The following SCAF11 variants were observed in gnomAD, a reference collection of about 807,000 sequenced individuals.
The protein encoded by SCAF11 is SR-related CTD associated factor 11, also known as protein SCAF11.
A neutral mutation model predicts 140.5 loss-of-function variants in SCAF11; 47 were observed. That is an observed-to-expected ratio of 0.33 (90% confidence interval 0.26 to 0.43). The LOEUF is 0.43. SCAF11 is among the 20% of genes least tolerant of loss of function. The pLI is 1.00. For missense variants in SCAF11, 1,645 were observed against 1,705.1 expected, an observed-to-expected ratio of 0.96 and a Z score of 0.62; for synonymous variants, 557 against 579.4, an observed-to-expected ratio of 0.96 and a Z score of 0.55.
intron 6 of SCAF11, among the ~76,000 whole-genome samples, chr12:45,943,626 C>A (rs1326561458): frequency 1.3e-5 from 2 of 152,144 alleles, no homozygotes; most frequent in African/African-American, 4.8e-5. Flanking sequence ...ACATATCCCC[C>A]ATGGACAAGG....
chr12:45,984,695 CTTTTTTT>C (rs539795330), intron 1 of SCAF11, among the ~76,000 whole-genome samples: 2 of 136,614 alleles, frequency 1.5e-5, no homozygotes, highest in South Asian at 2.3e-4. Context: ...TTCGCACTTC[CTTTTTTT>C]TTTTTTTTTT....
In SCAF11 at chr12:45,927,612, ACT is replaced by A. The variant is rs1340407602; in HGVS notation, c.2087_2088del (p.Glu696ValfsTer3). On this transcript the variant is annotated frameshift_variant, in exon 11 of 15. Transcript: ENST00000369367. LOFTEE classifies it high-confidence loss of function. ...ATCTGTTCAATGTGTGTTTTAGGCA[ACT>A]CTGTAGATCTAGGATGTTCGGTCAG... Reference protein sequence around the residue: ...ESLTEHPRSTELPKTHIEQIQ... With the variant: ...ESLTEHPRSTXLPKTHIEQIQ... 1 of 1,611,786 alleles carries A rather than the reference ACT, an allele frequency of 6.2e-7. No homozygotes were observed. Among genetic ancestry groups the A allele is most frequent in the Non-Finnish European group, 8.5e-7 (1 of 1,179,678 alleles).
intron 6 of SCAF11, among the ~76,000 whole-genome samples, chr12:45,935,972 T>C (rs1428052632): frequency 1.4e-4 from 21 of 152,186 alleles, no homozygotes; most frequent in Admixed American, 1.4e-3. Context: ...AAGTAATGCA[T>C]GTACATACTT....
intron 6 of SCAF11, among the ~76,000 whole-genome samples, chr12:45,940,917 A>G (rs968143239): frequency 3.3e-5 from 5 of 151,884 alleles, no homozygotes; most frequent in Non-Finnish European, 7.4e-5. Flanking sequence ...TGATCCTCCC[A>G]CCTCAGCCTC....
In SCAF11 at chr12:45,920,243, T is replaced by A. The variant is rs149034318; in HGVS notation, c.*1805A>T. ...AGCTTATGAACTAGCACAATCATTATGGGACCAACATTTCAAAATATTTTG... is the reference window on the plus strand; with the variant it reads ...AGCTTATGAACTAGCACAATCATTAAGGGACCAACATTTCAAAATATTTTG... On this transcript the variant is annotated 3_prime_UTR_variant, in exon 15 of 15. Transcript: ENST00000369367. 1.3e-5 allele frequency: 2 copies of A among 152,242 alleles called. No homozygotes were observed. Among genetic ancestry groups the A allele is most frequent in the Non-Finnish European group, 2.9e-5 (2 of 68,034 alleles). The allele number at this position is 152,242 out of a possible 1,614,324, so 9.4% of individuals were successfully genotyped here. A position where few individuals can be genotyped will look rare whatever the true frequency, so the allele number is the denominator to read the frequency against.
upstream of SCAF11, chr12:45,991,753 GC>G (rs1946616822): frequency 1.9e-6 from 1 of 528,064 alleles, no homozygotes; most frequent in African/African-American, 2.0e-5. Flanking sequence ...GTCGACTGCA[GC>G]AAGCTTCCGG....
intron 10 of SCAF11, 163 bp from the exon 11 acceptor site, chr12:45,929,022 G>T: frequency 2.5e-6 from 1 of 399,668 alleles, no homozygotes; most frequent in Non-Finnish European, 4.3e-6. Context: ...TGAGTAATAT[G>T]ACTTATTCAT....
chr12:45,965,176 A>G (rs539616916), intron 1 of SCAF11, among the ~76,000 whole-genome samples: 2 of 152,348 alleles, frequency 1.3e-5, no homozygotes, highest in South Asian at 2.1e-4. Context: ...TAAAAGTGAT[A>G]TAAGTGAATT....
At position 45,921,332 on chromosome 12, in the gene SCAF11, CTT is replaced by C. The variant is rs1032868262; in HGVS notation, c.*714_*715del. On this transcript the variant is annotated 3_prime_UTR_variant, in exon 15 of 15. Transcript: ENST00000369367. ...TTTTCCTCAAAGTCTTCAACAAAGA[CTT>C]TGAACTGCCAAAGTTGTAATCTAGT... 1.3e-5 allele frequency: 2 copies of C among 152,576 alleles called. No homozygotes were observed. The highest frequency in any genetic ancestry group is 2.9e-5 in the Non-Finnish European group (2 of 68,016). 9.5% of individuals were successfully genotyped at this position (152,576 alleles called of 1,614,324 possible).
At chr12:45,954,944 T>G (rs189379913) in intron 3 of SCAF11, 1 of 151,192 alleles carries the variant, frequency 6.6e-6, no homozygotes, top group Non-Finnish European at 1.5e-5. Context: ...CCCCCCTTTT[T>G]TTTCCTTAAG....
At chr12:45,983,074 A>C (rs968375372) in intron 1 of SCAF11, among the ~76,000 whole-genome samples, 1 of 152,210 alleles carries the variant, frequency 6.6e-6, no homozygotes, top group East Asian at 1.9e-4. Flanking sequence ...AATGATAATA[A>C]AGTGCAAAAA....
Position 45,927,023 on chromosome 12 carries a change from C to CT in SCAF11, c.2677dup (p.Arg893LysfsTer25). On this transcript the variant is annotated frameshift_variant, in exon 11 of 15. Transcript: ENST00000369367. LOFTEE classifies it high-confidence loss of function. ...AGAATCTTTCACTCTTGGCTGAGAT[C>CT]TTTTGTTCTCTCTAGAAGTTTCTCT... The CT allele has an allele frequency of 6.2e-7, 1 of 1,613,858 alleles. No homozygotes were observed. Among genetic ancestry groups the CT allele is most frequent in the Non-Finnish European group, 8.5e-7 (1 of 1,180,020 alleles).
chr12:45,969,608 G>C (rs1251630945), intron 1 of SCAF11, among the ~76,000 whole-genome samples: 4 of 152,158 alleles, frequency 2.6e-5, no homozygotes, highest in African/African-American at 9.7e-5. Flanking sequence ...AGAGAAATAG[G>C]AAATAGTAAT....
chr12:45,962,971 C>T (rs1295538833), intron 2 of SCAF11, among the ~76,000 whole-genome samples: 1 of 152,198 alleles, frequency 6.6e-6, no homozygotes, highest in Non-Finnish European at 1.5e-5. Context: ...TAGAAATCCA[C>T]TAACTTCAAA....
intron 1 of SCAF11, among the ~76,000 whole-genome samples, chr12:45,965,982 A>T (rs1428687058): frequency 2.6e-5 from 4 of 152,360 alleles, no homozygotes; most frequent in Admixed American, 2.6e-4. Flanking sequence ...TAGAATCTAA[A>T]AACTTTTTTT....
At chr12:45,989,911 T>TCAGCAGGACACGTTTCCACTG (rs1254107344) in intron 1 of SCAF11, among the ~76,000 whole-genome samples, 2 of 151,944 alleles carry the variant, frequency 1.3e-5, no homozygotes, top group Non-Finnish European at 2.9e-5. Context: ...GCCCGGAAGC[T>TCAGCAGGACACGTTTCCACTG]CAGCAGGACA....
Position 45,972,094 on chromosome 12 carries a change from C to T in SCAF11, c.-21-7906G>A, listed in dbSNP as rs578193796. 3.7e-4 allele frequency among the ~76,000 whole-genome samples: 56 copies of T among 152,192 alleles called. 1 individual carries two copies. The highest frequency in any genetic ancestry group is 3.4e-3 in the Middle Eastern group (1 of 292). On this transcript the variant is annotated intron_variant, in intron 1 of 14. Transcript: ENST00000369367. ...GATTTAAACCCAAGCAGCATACCAC[C>T]GACTCTGAAAACTGAAATATAAGAT...
intron 11 of SCAF11, among the ~76,000 whole-genome samples, 171 bp from the exon 12 acceptor site, chr12:45,925,245 T>C (rs1565656744): frequency 6.6e-6 from 1 of 152,188 alleles, no homozygotes; most frequent in Non-Finnish European, 1.5e-5. Flanking sequence ...TAATGTGGAC[T>C]GACTTTCTAA....
rs758249545 is a variant in SCAF11, at chr12:45,951,602, C to G, written c.297+48G>C. The G allele has an allele frequency of 7.2e-6, 9 of 1,246,542 alleles. No homozygotes were observed. The South Asian group carries it at 1.4e-4, about 19-fold the overall frequency. 77.2% of individuals were successfully genotyped at this position (1,246,542 alleles called of 1,614,324 possible). A position where few individuals can be genotyped will look rare whatever the true frequency, so the allele number is the denominator to read the frequency against. On this transcript the variant is annotated intron_variant, in intron 4 of 14. Coordinates refer to ENST00000369367, the MANE Select transcript of SCAF11 (RefSeq NM_004719.3). Reference sequence around the variant, plus strand: ...CAAACTGGAAATCAAAGTCAAACAGCTTCAATTAATTTTTATATAATTCAT... The same window carrying G: ...CAAACTGGAAATCAAAGTCAAACAGGTTCAATTAATTTTTATATAATTCAT...
Sources: allele counts gnomAD v4.1 joint callset (sites outside exome capture counted in the v4.1 genomes callset), GRCh38; gene constraint gnomAD v4.1.1; transcripts MANE v1.5; gene names NCBI Gene and HGNC (gene_info 2026-07-23, HGNC 2026-07-21).